The following MUC12 variants were observed in gnomAD, a reference collection of about 807,000 sequenced individuals.
MUC12 encodes mucin 12, cell surface associated, also known as mucin-12.
A neutral mutation model predicts 230.8 loss-of-function variants in MUC12; 172 were observed. The observed-to-expected ratio is 0.75, with a 90% CI of 0.66 to 0.85. The LOEUF (loss-of-function observed/expected upper bound fraction) is 0.85. MUC12 is among the 40% of genes least tolerant of loss of function. The probability of loss-of-function intolerance (pLI) is 0.00; values close to 1 mark genes in which losing one functional copy is unlikely to be tolerated. For synonymous variants in MUC12, 1,259 were observed against 2,401.9 expected, an observed-to-expected ratio of 0.52 and a Z score of 13.91; for missense variants, 3,506 against 5,920.6, an observed-to-expected ratio of 0.59 and a Z score of 13.38.
chr7:100,969,628 G>T lies in MUC12; in HGVS notation c.6G>T (p.Leu2=). ...AGGGGCCCGTTCCCCGGGAGATGCT[G>T]GTGATCTGGATTCTGACGCTGGCTC... The part of the protein sequence containing the change: M[L]VIWILTLALR... The change falls in exon 1 of 12, where the codon CTG becomes CTT. Residue 2 remains leucine, a synonymous_variant. Transcript: ENST00000536621. 6.5e-7 allele frequency: 1 copy of T among 1,537,446 alleles called. No individual in the cohort carries two copies. Among genetic ancestry groups the T allele is most frequent in the Non-Finnish European group, 8.7e-7 (1 of 1,146,950 alleles).
chr7:100,973,327 G>A (rs534772870), intron 1 of MUC12, among the ~76,000 whole-genome samples: 2 of 147,528 alleles, frequency 1.4e-5, no homozygotes, highest in Admixed American at 1.4e-4. Flanking sequence ...CTTTTTGCTG[G>A]ATGACAAAGG....
intron 1 of MUC12, chr7:100,981,560 T>C (rs1000420873): frequency 4.6e-6 from 2 of 437,262 alleles, no homozygotes; most frequent in Non-Finnish European, 8.2e-6. Context: ...GAAGGGCAGC[T>C]GGATAAGATG....
intron 2 of MUC12, 45 bp downstream of exon 2, chr7:101,005,564 C>T: frequency 6.7e-7 from 1 of 1,500,028 alleles, no homozygotes; most frequent in Non-Finnish European, 8.9e-7. Flanking sequence ...CTTCTCCAGG[C>T]CTGTCCATGA....
At chr7:100,969,805 C>CT (rs1792814485) in intron 1 of MUC12, 116 bp downstream of exon 1, 3 of 1,428,776 alleles carry the variant, frequency 2.1e-6, no homozygotes, top group Non-Finnish European at 2.9e-6. Flanking sequence ...TGGCAAGGGG[C>CT]TGCCACAGGG....
rs1365159523 is a variant in MUC12, at chr7:101,005,103, G to C, written c.14540G>C (p.Ser4847Thr). 8 of 1,537,744 alleles carry C rather than the reference G, an allele frequency of 5.2e-6. No homozygotes were observed. Among genetic ancestry groups the C allele is most frequent in the Non-Finnish European group, 7.0e-6 (8 of 1,147,058 alleles). ...SPASTTVPGL[S>T]EESTTFYSSP... ...GCCAGCACCACAGTGCCAGGCCTTA[G>C]TGAGGAATCTACCACCTTCTACAGC... The change falls in exon 2 of 12, where the codon AGT becomes ACT. Residue 4847 changes from serine (S) to threonine (T), a missense_variant. Coordinates refer to ENST00000536621, the MANE Select transcript of MUC12 (RefSeq NM_001164462.2).
At position 100,991,007 on chromosome 7, in the gene MUC12, C is replaced by A. The variant is rs1457703872; in HGVS notation, c.444C>A (p.Asp148Glu). 1 of 1,537,874 alleles carries A rather than the reference C, an allele frequency of 6.5e-7. No homozygotes were observed. Among genetic ancestry groups the A allele is most frequent in the African/African-American group, 1.4e-5 (1 of 73,140 alleles). Residue 148 changes from aspartate to glutamate, a missense_variant, in exon 2 of 12, where the codon GAC becomes GAA. Asp to Glu is a conservative substitution (Grantham distance 45). Transcript: ENST00000536621. ...TCTACAGTAGCCCCAGATCACCAGACAGAACACTCTCACCTGCCCGCACGA... is the reference window on the plus strand; with the variant it reads ...TCTACAGTAGCCCCAGATCACCAGAAAGAACACTCTCACCTGCCCGCACGA... ...TTFYSSPRSP[D>E]RTLSPARTTS...
At chr7:100,978,531 G>A (rs928008288) in intron 1 of MUC12, among the ~76,000 whole-genome samples, 3 of 152,152 alleles carry the variant, frequency 2.0e-5, no homozygotes, top group Non-Finnish European at 4.4e-5. Flanking sequence ...GTCACACAGC[G>A]GTGTACAGGT....
intron 10 of MUC12, 145 bp from the exon 11 acceptor site, chr7:101,017,430 G>A: frequency 3.3e-6 from 2 of 605,952 alleles, no homozygotes; most frequent in South Asian, 2.0e-5. Context: ...GCCCAGTGAT[G>A]CAGGGTCGGA....
intron 1 of MUC12, among the ~76,000 whole-genome samples, chr7:100,989,277 T>G (rs1024704959): frequency 9.9e-5 from 15 of 151,692 alleles, no homozygotes; most frequent in African/African-American, 3.6e-4. Flanking sequence ...CCCGGCTAAT[T>G]TTTGTATTTT....
chr7:101,012,421 C>A lies in MUC12; in HGVS notation c.15377C>A (p.Thr5126Asn). 1 of 1,537,870 alleles carries A rather than the reference C, an allele frequency of 6.5e-7. No individual in the cohort carries two copies. The change falls in exon 6 of 12, where the codon ACT (threonine) becomes AAT (asparagine). Residue 5126 changes from threonine (T) to asparagine (N), a missense_variant. Thr to Asn is a moderately conservative substitution (Grantham distance 65). Transcript: ENST00000536621. ...KAKIMNETRT[T>N]LLDPDSCRKA... ...AAGATTATGAATGAAACTAGAACAA[C>A]TCTTCTTGATCCTGATTCCTGCAGA... is the stretch of plus-strand genomic sequence containing the variant.
Position 100,991,118 on chromosome 7 carries a change from C to A in MUC12, c.555C>A (p.Thr185=), listed in dbSNP as rs973219793. 15 of 1,537,680 alleles carry A rather than the reference C, an allele frequency of 9.8e-6. No homozygotes were observed. Among genetic ancestry groups the A allele is most frequent in the African/African-American group, 6.9e-5 (5 of 72,980 alleles). The change falls in exon 2 of 12, where the codon ACC becomes ACA. Residue 185 remains threonine, a synonymous_variant. Transcript: ENST00000536621. ...THTIAFPDST[T]MPGVSQESTA... ...CAATAGCGTTCCCTGACAGTACCAC[C>A]ATGCCAGGCGTCAGTCAGGAATCTA... is the stretch of plus-strand genomic sequence containing the variant.
intron 3 of MUC12, 78 bp from the exon 4 acceptor site, chr7:101,008,556 C>T: frequency 6.8e-7 from 1 of 1,464,282 alleles, no homozygotes; most frequent in African/African-American, 1.4e-5. Flanking sequence ...AAGACACCCA[C>T]AGGCAGAGAA....
At chr7:100,983,602 C>T (rs1223616716) in intron 1 of MUC12, among the ~76,000 whole-genome samples, 1 of 152,092 alleles carries the variant, frequency 6.6e-6, no homozygotes, top group African/African-American at 2.4e-5. Context: ...GTTCTCTACC[C>T]TCACGGAGTT....
rs182409297 is a variant in MUC12, at chr7:101,005,412, C to A, written c.14849C>A (p.Ala4950Glu). 11 of 1,537,924 alleles carry A rather than the reference C, an allele frequency of 7.2e-6. No individual in the cohort carries two copies. Among genetic ancestry groups the A allele is most frequent in the Non-Finnish European group, 9.6e-6 (11 of 1,147,050 alleles). ...CCTACTTACACAACACTCTTTCCTG[C>A]GAGTTCCAGCACATCAGGCCTCACT... The part of the protein sequence containing the change: ...PSPTYTTLFP[A>E]SSSTSGLTEE... The change falls in exon 2 of 12, where the codon GCG becomes GAG. Residue 4950 changes from alanine to glutamate, a missense_variant. Coordinates refer to ENST00000536621, the MANE Select transcript of MUC12 (RefSeq NM_001164462.2).
At chr7:101,005,722 C>T (rs1237393566) in intron 2 of MUC12, among the ~76,000 whole-genome samples, 5 of 152,150 alleles carry the variant, frequency 3.3e-5, no homozygotes, top group Non-Finnish European at 7.3e-5. Context: ...TGATGACAAT[C>T]TCTCCTTCCT....
rs1026501478 is a variant in MUC12 at position 100,992,925 on chromosome 7, A to T, written c.2362A>T (p.Thr788Ser). Residue 788 changes from threonine to serine, a missense_variant, in exon 2 of 12, where the codon ACC (threonine) becomes TCC (serine). By Grantham distance (58) the Thr-to-Ser change is moderately conservative (BLOSUM62 1). Coordinates refer to ENST00000536621, the MANE Select transcript of MUC12 (RefSeq NM_001164462.2). Reference sequence around the variant, plus strand: ...AATAGTCCTACCTGCCCGCTCCACAACCTCAGTTCTTCTTGGAGAATCTAC... The same window carrying T: ...AATAGTCCTACCTGCCCGCTCCACATCCTCAGTTCTTCTTGGAGAATCTAC... ...GTIVLPARST[T>S]SVLLGESTTS... 87 of 1,537,044 alleles carry T rather than the reference A, an allele frequency of 5.7e-5. 1 individual carries two copies. Among genetic ancestry groups the T allele is most frequent in the Non-Finnish European group, 7.4e-5 (85 of 1,146,940 alleles).
In MUC12 at chr7:100,991,231, C is replaced by T; in HGVS notation, c.668C>T (p.Thr223Ile). 1 of 1,537,652 alleles carries T rather than the reference C, an allele frequency of 6.5e-7. No homozygotes were observed. Among genetic ancestry groups the T allele is most frequent in the Non-Finnish European group, 8.7e-7 (1 of 1,146,986 alleles). The change falls in exon 2 of 12, where the codon ACC (threonine) becomes ATC (isoleucine). Residue 223 changes from threonine to isoleucine, a missense_variant. Coordinates refer to ENST00000536621, the MANE Select transcript of MUC12 (RefSeq NM_001164462.2). Reference protein sequence around the residue: ...TPSSLGPESTTFHSSPGYTKT... With the variant: ...TPSSLGPESTIFHSSPGYTKT... ...TCATCCCTTGGTCCAGAATCTACTA[C>T]CTTCCACAGCAGCCCAGGCTACACT...
chr7:100,995,263 C>A lies in MUC12; in HGVS notation c.4700C>A (p.Thr1567Lys). ...SPDTTLSPASTTSSGVSEEST... is the reference protein window; with the variant it reads ...SPDTTLSPASKTSSGVSEEST... ...GACACAACACTCTCACCTGCCAGCACGACAAGCTCAGGCGTCAGTGAAGAA... is the reference window on the plus strand; with the variant it reads ...GACACAACACTCTCACCTGCCAGCAAGACAAGCTCAGGCGTCAGTGAAGAA... The change falls in exon 2 of 12, where the codon ACG (threonine) becomes AAG (lysine). Residue 1567 changes from threonine (T) to lysine (K), a missense_variant. By Grantham distance (78) the Thr-to-Lys change is moderately conservative. Transcript: ENST00000536621. The A allele has an allele frequency of 6.7e-7, 1 of 1,497,934 alleles. No homozygotes were observed. The highest frequency in any genetic ancestry group is 8.9e-7 in the Non-Finnish European group (1 of 1,128,606). 92.8% of individuals were successfully genotyped at this position (1,497,934 alleles called of 1,614,324 possible).
chr7:101,006,490 A>C lies in MUC12; in HGVS notation c.14976A>C (p.Gln4992His). The change falls in exon 3 of 12, where the codon CAA becomes CAC. Residue 4992 changes from glutamine to histidine, a missense_variant. By Grantham distance (24) the Gln-to-His change is conservative. Transcript: ENST00000536621. ...CCACAGGGTTGTGCCAGGAAGGACA[A>C]ATTTGGAATGGAAAACAATGCGTCT... is the stretch of plus-strand genomic sequence containing the variant. ...TLAPGLCQEGQIWNGKQCVCP... is the reference protein window; with the variant it reads ...TLAPGLCQEGHIWNGKQCVCP... 2 of 1,537,056 alleles carry C rather than the reference A, an allele frequency of 1.3e-6. No individual in the cohort carries two copies. The highest frequency in any genetic ancestry group is 1.7e-6 in the Non-Finnish European group (2 of 1,146,860).
Sources: gnomAD v4.1 joint callset for allele counts (sites outside exome capture counted in the v4.1 genomes callset) on GRCh38, gnomAD v4.1.1 for gene constraint, MANE v1.5 for transcripts, NCBI Gene and HGNC (gene_info 2026-07-23, HGNC 2026-07-21) for gene names.